The following CMC2 variants were observed in gnomAD, a reference collection of about 807,000 sequenced individuals.
The protein encoded by CMC2 is C-X9-C motif containing 2.
A neutral mutation model predicts 7.5 loss-of-function variants in CMC2; 5 were observed. The ratio of observed to expected loss-of-function variants is 0.66; its 90% CI spans 0.35 to 1.40. CMC2 has a LOEUF of 1.40. Among genes scored for constraint, CMC2 ranks in the 40% most tolerant of loss-of-function variants. The probability of loss-of-function intolerance (pLI) is 0.04; values close to 1 mark genes in which losing one functional copy is unlikely to be tolerated. For missense variants in CMC2, 115 were observed against 92.3 expected, an observed-to-expected ratio of 1.25 and a Z score of -1.01; for synonymous variants, 37 against 31.4, an observed-to-expected ratio of 1.18 and a Z score of -0.60.
chr16:80,985,885 T>C (rs1394706259), intron 2 of CMC2, among the ~76,000 whole-genome samples: 2 of 99,396 alleles, frequency 2.0e-5, no homozygotes, highest in Non-Finnish European at 3.9e-5. Context: ...AGAAATATCA[T>C]TCTCCCATAT....
At chr16:80,987,908 G>A (rs1021268878) in intron 2 of CMC2, among the ~76,000 whole-genome samples, 3 of 152,108 alleles carry the variant, frequency 2.0e-5, no homozygotes, top group Non-Finnish European at 2.9e-5. Flanking sequence ...AGGCACAGTG[G>A]CTCATGCCTG....
rs191379980 is a variant in CMC2, at chr16:80,971,699, G to T, written c.*4394C>A. 7.4e-4 allele frequency: 111 copies of T among 150,816 alleles called. No individual in the cohort carries two copies. Among genetic ancestry groups the T allele is most frequent in the African/African-American group, 2.5e-3 (103 of 40,766 alleles). 9.3% of individuals were successfully genotyped at this position (150,816 alleles called of 1,614,324 possible). On this transcript the variant is annotated 3_prime_UTR_variant, in exon 4 of 4. Transcript: ENST00000219400. ...GAAATAAGTGGAACGGGCTTGGGGT[G>T]ACAAACACAGGAGGCTTTACCCACT...
At chr16:80,982,527 A>AG (rs1459858039) in intron 2 of CMC2, 1 of 150,612 alleles carries the variant, frequency 6.6e-6, no homozygotes, top group African/African-American at 2.5e-5. Context: ...AAAAAAAAAA[A>AG]AAAAAAAAAA....
rs1344112141 is a variant in CMC2 at position 81,006,812 on chromosome 16, AGCAGACAGCTGAACCGCTT to A, written c.-133_-115del. ...CCGACCCGAAGGCCGGCTGCTAGGGAGCAGACAGCTGAACCGCTTGCCAGACGCCGAAACCCAGTGACGC... is the reference window on the plus strand; with the variant it reads ...CCGACCCGAAGGCCGGCTGCTAGGGAGCCAGACGCCGAAACCCAGTGACGC... On this transcript the variant is annotated 5_prime_UTR_variant, in exon 1 of 4. Transcript: ENST00000219400. 8.1e-6 allele frequency: 8 copies of A among 985,470 alleles called. No individual in the cohort carries two copies. The East Asian group carries it at 6.8e-4, about 84-fold the overall frequency. The allele number at this position is 985,470 out of a possible 1,614,324, so 61.0% of individuals were successfully genotyped here.
Position 80,973,904 on chromosome 16 carries a change from A to T in CMC2, c.*2189T>A, listed in dbSNP as rs1912101956. 6.6e-6 allele frequency: 1 copy of T among 152,160 alleles called. No individual in the cohort carries two copies. The highest frequency in any genetic ancestry group is 1.9e-4 in the East Asian group (1 of 5,190). 9.4% of individuals were successfully genotyped at this position (152,160 alleles called of 1,614,324 possible). ...AACGTACTCATATATTACTTATAAA[A>T]TTTTTAAGAATGAACTTCCAAAGTT... On this transcript the variant is annotated 3_prime_UTR_variant, in exon 4 of 4. Transcript: ENST00000219400.
chr16:80,968,732 T>A lies in CMC2; in HGVS notation c.*7361A>T, dbSNP rs920879374. Reference sequence around the variant, plus strand: ...ATATCAAATATAGTTTTTAAAGGTGTAGTTGAGCTCACAAGAAAGGAAAGA... The same window carrying A: ...ATATCAAATATAGTTTTTAAAGGTGAAGTTGAGCTCACAAGAAAGGAAAGA... On this transcript the variant is annotated 3_prime_UTR_variant, in exon 4 of 4. Transcript: ENST00000219400. 1 of 151,928 alleles carries A rather than the reference T, an allele frequency of 6.6e-6. No individual in the cohort carries two copies. Among genetic ancestry groups the A allele is most frequent in the Non-Finnish European group, 1.5e-5 (1 of 67,994 alleles). 9.4% of individuals were successfully genotyped at this position (151,928 alleles called of 1,614,324 possible).
intron 2 of CMC2, among the ~76,000 whole-genome samples, chr16:80,994,008 A>G (rs1450516758): frequency 6.6e-6 from 1 of 152,218 alleles, no homozygotes; most frequent in Non-Finnish European, 1.5e-5. Context: ...CATATAAATC[A>G]GTGAAACAGA....
At chr16:80,987,985 G>T (rs943161480) in intron 2 of CMC2, among the ~76,000 whole-genome samples, 1 of 151,792 alleles carries the variant, frequency 6.6e-6, no homozygotes, top group Admixed American at 6.6e-5. Flanking sequence ...AGATGAGCCT[G>T]GGCAACACAG....
chr16:80,980,265 T>C (rs943231562), intron 3 of CMC2, among the ~76,000 whole-genome samples: 6 of 151,462 alleles, frequency 4.0e-5, no homozygotes, highest in Admixed American at 1.3e-4. Flanking sequence ...AAACTGGCTT[T>C]TTCATATAAA....
chr16:81,000,306 G>A lies in CMC2; in HGVS notation c.-35-2877C>T, dbSNP rs1968758537. On this transcript the variant is annotated intron_variant, in intron 1 of 3. Coordinates refer to ENST00000219400, the MANE Select transcript of CMC2 (RefSeq NM_020188.5). ...AGGTCAGGAGTTCGAGACCAGCCTG[G>A]CCAATATGGTGAAACCCCATCTCTA... 2.0e-5 allele frequency among the ~76,000 whole-genome samples: 3 copies of A among 152,100 alleles called. No individual in the cohort carries two copies. In the South Asian group the frequency reaches 6.2e-4, roughly 32 times the overall value.
intron 2 of CMC2, among the ~76,000 whole-genome samples, chr16:80,984,417 T>C (rs1051090500): frequency 6.6e-6 from 1 of 152,228 alleles, no homozygotes; most frequent in South Asian, 2.1e-4. Context: ...TTTCTTTTTT[T>C]CCTGCTTCAC....
chr16:80,977,392 C>T (rs1221481970), intron 3 of CMC2, among the ~76,000 whole-genome samples: 1 of 152,158 alleles, frequency 6.6e-6, no homozygotes, highest in Non-Finnish European at 1.5e-5. Flanking sequence ...ATACACCAAT[C>T]CAACACACTT....
chr16:80,997,035 G>C (rs12103363), intron 2 of CMC2: 13,873 of 507,358 alleles, frequency 0.027, 1,265 homozygotes, highest in African/African-American at 0.22. Context: ...AATTAGGAAA[G>C]AGAAAGCATT....
chr16:81,006,683 G>A (rs1262059065), intron 1 of CMC2, 51 bp downstream of exon 1: 1 of 982,356 alleles, frequency 1.0e-6, no homozygotes, highest in Non-Finnish European at 1.2e-6. Context: ...TCAGGGACCT[G>A]AGGAGGAACA....
intron 2 of CMC2, among the ~76,000 whole-genome samples, chr16:80,993,210 C>G (rs1597253581): frequency 6.6e-6 from 1 of 152,286 alleles, no homozygotes; most frequent in East Asian, 1.9e-4. Context: ...ATATATAAAA[C>G]AACTATTTTC....
At chr16:80,977,838 G>A (rs958623979) in intron 3 of CMC2, among the ~76,000 whole-genome samples, 3 of 152,182 alleles carry the variant, frequency 2.0e-5, no homozygotes, top group African/African-American at 2.4e-5. Context: ...TTGGGAGGCT[G>A]AGGCGAGCAG....
Position 80,976,011 on chromosome 16 carries a change from C to T in CMC2, c.*82G>A. 2 of 784,744 alleles carry T rather than the reference C, an allele frequency of 2.5e-6. No individual in the cohort carries two copies. Among genetic ancestry groups the T allele is most frequent in the Non-Finnish European group, 4.4e-6 (2 of 450,000 alleles). 48.6% of individuals were successfully genotyped at this position (784,744 alleles called of 1,614,324 possible). A position where few individuals can be genotyped will look rare whatever the true frequency, so the allele number is the denominator to read the frequency against. On this transcript the variant is annotated 3_prime_UTR_variant, in exon 4 of 4. Coordinates refer to ENST00000219400, the MANE Select transcript of CMC2 (RefSeq NM_020188.5). ...CTTTCCATTCAAAGGATTATGGAGA[C>T]CAAATAAGACAGGATTCTTTCAGGT... is the stretch of plus-strand genomic sequence containing the variant.
rs554337110 is a variant in CMC2 at position 80,977,153 on chromosome 16, G to C, written c.154-974C>G. Among the ~76,000 whole-genome samples, 21 of 152,086 alleles carry C rather than the reference G, an allele frequency of 1.4e-4. No individual in the cohort carries two copies. The South Asian group carries it at 4.2e-3, about 30-fold the overall frequency. The stretch of plus-strand genomic sequence containing the variant: ...CAACTTCCCAAGGTTTCTTCATCAC[G>C]AACAGTTAACAAACCTGATACTCCT... On this transcript the variant is annotated intron_variant, in intron 3 of 3. Coordinates refer to ENST00000219400, the MANE Select transcript of CMC2 (RefSeq NM_020188.5).
At chr16:80,997,481 CTAAAAG>C in intron 1 of CMC2, 52 bp from the exon 2 acceptor site, 1 of 910,350 alleles carries the variant, frequency 1.1e-6, no homozygotes, top group East Asian at 2.4e-5. Context: ...GTTACGCCAC[CTAAAAG>C]TATCTTCATA....
Sources: gnomAD v4.1 joint callset for allele counts (sites outside exome capture counted in the v4.1 genomes callset) on GRCh38, gnomAD v4.1.1 for gene constraint, MANE v1.5 for transcripts, NCBI Gene and HGNC (gene_info 2026-07-23, HGNC 2026-07-21) for gene names.